The following PCDH15 variants were observed in gnomAD, a reference collection of about 807,000 sequenced individuals.
PCDH15 encodes the protein protocadherin-15.
A neutral mutation model predicts 178.5 loss-of-function variants in PCDH15; 129 were observed. That is an observed-to-expected ratio of 0.72 (90% CI 0.63 to 0.84). The LOEUF (loss-of-function observed/expected upper bound fraction) is 0.84, where lower values mean the gene tolerates loss of function less well. PCDH15 is among the 40% of genes least tolerant of loss of function. PCDH15 has a pLI of 0.00. For synonymous variants in PCDH15, 800 were observed against 732.0 expected (o/e 1.09, Z -1.50); for missense variants, 2,230 against 2,099.9 (o/e 1.06, Z -1.21).
chr10:54,665,313 G>A (rs2094553542), intron 1 of PCDH15, among the ~76,000 whole-genome samples: 1 of 151,942 alleles, frequency 6.6e-6, no homozygotes, highest in African/African-American at 2.4e-5. Context: ...TCAAAGAGAA[G>A]GCAGAAATCC....
At chr10:54,582,717 C>A (rs2091148504) in intron 2 of PCDH15, among the ~76,000 whole-genome samples, 1 of 151,938 alleles carries the variant, frequency 6.6e-6, no homozygotes, top group Non-Finnish European at 1.5e-5. Context: ...GTTCAACTAG[C>A]ATGGGCAATG....
At chr10:54,270,756 T>G (rs1242602073) in intron 8 of PCDH15, among the ~76,000 whole-genome samples, 1 of 152,196 alleles carries the variant, frequency 6.6e-6, no homozygotes, top group Non-Finnish European at 1.5e-5. Flanking sequence ...TAAGATTTAT[T>G]CACTCAGCAA....
At chr10:54,659,043 G>A (rs1001148643) in intron 2 of PCDH15, among the ~76,000 whole-genome samples, 2 of 152,054 alleles carry the variant, frequency 1.3e-5, no homozygotes, top group African/African-American at 4.8e-5. Context: ...AAAAGACAAA[G>A]AAAGATACAA....
intron 2 of PCDH15, among the ~76,000 whole-genome samples, chr10:55,425,671 C>CA (rs756770818): frequency 2.4e-4 from 35 of 148,308 alleles, no homozygotes; most frequent in East Asian, 7.8e-4. Flanking sequence ...CACACACACA[C>CA]AAAAAAAAAC....
chr10:55,090,202 C>T (rs1842280681), intron 2 of PCDH15, among the ~76,000 whole-genome samples: 1 of 151,828 alleles, frequency 6.6e-6, no homozygotes, highest in South Asian at 2.1e-4. Flanking sequence ...AACTATTCAT[C>T]AGTTATCAAA....
intron 2 of PCDH15, among the ~76,000 whole-genome samples, chr10:54,611,144 A>C (rs573031866): frequency 1.6e-4 from 24 of 151,882 alleles, no homozygotes; most frequent in Non-Finnish European, 2.9e-4. Context: ...AAAAGATTTT[A>C]ATAACTGTTG....
intron 13 of PCDH15, among the ~76,000 whole-genome samples, chr10:54,167,048 G>A (rs561177249): frequency 3.9e-5 from 6 of 152,058 alleles, no homozygotes; most frequent in South Asian, 2.1e-4. Context: ...GACTCAGCCC[G>A]CCTGCACCTG....
intron 3 of PCDH15, among the ~76,000 whole-genome samples, chr10:54,525,671 C>T (rs1461759044): frequency 6.6e-6 from 1 of 152,150 alleles, no homozygotes; most frequent in Non-Finnish European, 1.5e-5. Context: ...GTTGGCCAGG[C>T]TGGCCTTGAA....
chr10:54,677,921 C>T (rs554499978), intron 1 of PCDH15, among the ~76,000 whole-genome samples: 26 of 152,212 alleles, frequency 1.7e-4, no homozygotes, highest in South Asian at 4.2e-4. Flanking sequence ...ACTATCATCA[C>T]GTCCAAAACT....
chr10:54,151,405 G>T (rs146846810), intron 14 of PCDH15, among the ~76,000 whole-genome samples: 1 of 152,164 alleles, frequency 6.6e-6, no homozygotes, highest in East Asian at 1.9e-4. Flanking sequence ...GCTAGGATTG[G>T]TGGCCTGAAC....
chr10:54,067,187 A>G (rs1296700612), intron 17 of PCDH15, among the ~76,000 whole-genome samples: 1 of 152,124 alleles, frequency 6.6e-6, no homozygotes, highest in Non-Finnish European at 1.5e-5. Flanking sequence ...TTCACATTTT[A>G]TGGGTGGCAA....
intron 3 of PCDH15, among the ~76,000 whole-genome samples, chr10:54,500,384 C>A (rs2080554557): frequency 6.6e-6 from 1 of 152,082 alleles, no homozygotes; most frequent in Non-Finnish European, 1.5e-5. Context: ...GTTCACCAAA[C>A]CACAGTGACA....
chr10:54,006,897 A>G (rs1409954243), intron 20 of PCDH15, among the ~76,000 whole-genome samples: 1 of 152,034 alleles, frequency 6.6e-6, no homozygotes, highest in Non-Finnish European at 1.5e-5. Context: ...CCTGCACACT[A>G]AGACAGGCAA....
chr10:53,913,838 G>T (rs2083323476), intron 25 of PCDH15, among the ~76,000 whole-genome samples: 4 of 151,916 alleles, frequency 2.6e-5, no homozygotes, highest in Admixed American at 2.0e-4. Context: ...CCTACAGAAT[G>T]GGAGAAAATT....
chr10:54,616,731 C>A (rs2093169826), intron 2 of PCDH15, among the ~76,000 whole-genome samples: 1 of 152,090 alleles, frequency 6.6e-6, no homozygotes, highest in South Asian at 2.1e-4. Context: ...TACCTCGGAA[C>A]TGGAACCCAA....
At chr10:55,155,280 TC>T (rs148498569) in intron 2 of PCDH15, among the ~76,000 whole-genome samples, 6,180 of 152,202 alleles carry the variant, frequency 0.041, 147 homozygotes, top group Middle Eastern at 0.14. Context: ...CTGTTTACTT[TC>T]TTATTGTTGT....
chr10:54,519,511 T>C (rs973621714), intron 3 of PCDH15, among the ~76,000 whole-genome samples: 2 of 152,238 alleles, frequency 1.3e-5, no homozygotes, highest in African/African-American at 4.8e-5. Flanking sequence ...ACAAGGGACG[T>C]GAAGGACCTC....
chr10:55,612,823 G>A (rs1181695828), intron 2 of PCDH15, among the ~76,000 whole-genome samples: 1 of 152,038 alleles, frequency 6.6e-6, no homozygotes, highest in Non-Finnish European at 1.5e-5. Context: ...TACAAATTCT[G>A]AGCATTGCCT....
intron 2 of PCDH15, among the ~76,000 whole-genome samples, chr10:55,585,038 T>C (rs573762189): frequency 6.6e-6 from 1 of 151,162 alleles, no homozygotes; most frequent in South Asian, 2.1e-4. Flanking sequence ...GAATTATAAA[T>C]TAATCTATAT....
Sources: allele counts gnomAD v4.1 joint callset (sites outside exome capture counted in the v4.1 genomes callset), GRCh38; gene constraint gnomAD v4.1.1; transcripts MANE v1.5; gene names NCBI Gene and HGNC (gene_info 2026-07-23, HGNC 2026-07-21).